Variants in DTWD2 observed in about 807,000 individuals in gnomAD.
DTWD2 encodes tRNA-uridine aminocarboxypropyltransferase 2.
A neutral mutation model predicts 31.8 loss-of-function variants in DTWD2; 39 were observed. The observed-to-expected ratio is 1.22, with a 90% CI of 0.95 to 1.60. The LOEUF is 1.60. DTWD2 is among the 40% of genes most tolerant of loss of function. DTWD2 has a pLI of 0.00. For missense variants in DTWD2, 515 were observed against 381.5 expected, an observed-to-expected ratio of 1.35 and a Z score of -2.92; for synonymous variants, 180 against 142.8, an observed-to-expected ratio of 1.26 and a Z score of -1.86.
At chr5:118,887,023 A>G (rs1439464474) in intron 4 of DTWD2, among the ~76,000 whole-genome samples, 1 of 152,164 alleles carries the variant, frequency 6.6e-6, no homozygotes, top group Non-Finnish European at 1.5e-5. Flanking sequence ...TCCATTCAGG[A>G]TCCTCTCCCA....
At chr5:118,861,226 C>G (rs1368105757) in intron 4 of DTWD2, among the ~76,000 whole-genome samples, 1 of 152,110 alleles carries the variant, frequency 6.6e-6, no homozygotes, top group African/African-American at 2.4e-5. Flanking sequence ...GGTGGGTTCA[C>G]CTGGAAGTTA....
At chr5:118,974,696 T>C (rs764542708) in intron 1 of DTWD2, 2 of 511,110 alleles carry the variant, frequency 3.9e-6, no homozygotes, top group Non-Finnish European at 7.9e-6. Context: ...GTTTCTTTTT[T>C]TTCCTTTTTT....
intron 1 of DTWD2, among the ~76,000 whole-genome samples, chr5:118,986,188 T>C (rs1392113598): frequency 6.6e-6 from 1 of 152,114 alleles, no homozygotes; most frequent in African/African-American, 2.4e-5. Context: ...AGGTTTTGTC[T>C]TTATCTGAAA....
chr5:118,948,688 G>A (rs1028828031), intron 1 of DTWD2, among the ~76,000 whole-genome samples: 1 of 152,140 alleles, frequency 6.6e-6, no homozygotes, highest in Non-Finnish European at 1.5e-5. Context: ...CGGCTCTCGT[G>A]TAAGAATTCT....
intron 1 of DTWD2, among the ~76,000 whole-genome samples, chr5:118,950,408 G>T (rs999674569): frequency 1.3e-5 from 2 of 152,118 alleles, no homozygotes; most frequent in East Asian, 1.9e-4. Context: ...ACCCTCCACT[G>T]TAAGAGTTAC....
intron 4 of DTWD2, among the ~76,000 whole-genome samples, chr5:118,917,528 A>G (rs537301906): frequency 2.0e-5 from 3 of 152,324 alleles, no homozygotes; most frequent in Admixed American, 2.0e-4. Flanking sequence ...GGCAATTTAT[A>G]AAGAAAATAG....
intron 4 of DTWD2, among the ~76,000 whole-genome samples, chr5:118,850,893 T>TG (rs1326750675): frequency 6.6e-6 from 1 of 152,028 alleles, no homozygotes; most frequent in Non-Finnish European, 1.5e-5. Flanking sequence ...GACATACATG[T>TG]GGCCAACAAG....
At chr5:118,959,496 A>G (rs1230919907) in intron 1 of DTWD2, among the ~76,000 whole-genome samples, 1 of 152,246 alleles carries the variant, frequency 6.6e-6, no homozygotes, top group Non-Finnish European at 1.5e-5. Context: ...GGATAGGAAG[A>G]GTCAACATTG....
intron 1 of DTWD2, chr5:118,973,994 G>A (rs896364355): frequency 8.2e-6 from 13 of 1,593,586 alleles, no homozygotes; most frequent in African/African-American, 1.3e-5. Context: ...GGAGGAGGAA[G>A]AAGGTGATGG....
intron 3 of DTWD2, among the ~76,000 whole-genome samples, chr5:118,935,497 C>T (rs1754021390): frequency 6.6e-6 from 1 of 152,132 alleles, no homozygotes; most frequent in Admixed American, 6.6e-5. Flanking sequence ...AGTATTATTG[C>T]AAAATTGACT....
intron 4 of DTWD2, among the ~76,000 whole-genome samples, chr5:118,864,529 T>TA (rs750961429): frequency 0.014 from 1,830 of 132,644 alleles, 31 homozygotes; most frequent in African/African-American, 0.044. Flanking sequence ...CTTAGAGTAT[T>TA]AAAAAAAAAA....
chr5:118,879,660 G>A (rs1028415082), intron 4 of DTWD2, among the ~76,000 whole-genome samples: 2 of 150,810 alleles, frequency 1.3e-5, no homozygotes, highest in African/African-American at 2.4e-5. Flanking sequence ...GCAGGGACAT[G>A]GATGGAGCTA....
chr5:118,963,331 T>C lies in DTWD2; in HGVS notation c.219-18682A>G, dbSNP rs114834206. 8.3e-3 allele frequency among the ~76,000 whole-genome samples: 1,255 copies of C among 152,072 alleles called. 14 individuals are homozygous for C. The highest frequency in any genetic ancestry group is 0.015 in the Non-Finnish European group (1,022 of 67,956). On this transcript the variant is annotated intron_variant, in intron 1 of 5. Transcript: ENST00000510708. Reference sequence around the variant, plus strand: ...AGAGTATGATTGCAGAAAGCACAGATGAGGGAGGAGCTTTTCACAGAGACA... The same window carrying C: ...AGAGTATGATTGCAGAAAGCACAGACGAGGGAGGAGCTTTTCACAGAGACA...
In DTWD2 at chr5:118,937,383, C is replaced by CA. The variant is rs70982459; in HGVS notation, c.404+1812dup. ...AGGCAGCTCTTATATGTTATCACTG[C>CA]AAAAAAAAAAAAAAAACCATAAAAC... On this transcript the variant is annotated intron_variant, in intron 3 of 5. Coordinates refer to ENST00000510708, the MANE Select transcript of DTWD2 (RefSeq NM_173666.4). Among the ~76,000 whole-genome samples, 673 of 132,150 alleles carry CA rather than the reference C, an allele frequency of 5.1e-3. 6 individuals are homozygous for CA. The highest frequency in any genetic ancestry group is 0.016 in the African/African-American group (585 of 36,004). 86.7% of individuals were successfully genotyped at this position (132,150 alleles called of 152,430 possible).
In DTWD2 at chr5:118,839,699, G is replaced by A. The variant is rs1276923000; in HGVS notation, c.*1218C>T. On this transcript the variant is annotated 3_prime_UTR_variant, in exon 6 of 6. Transcript: ENST00000510708. ...TAAATCCAAAAATAAATCAACAATA[G>A]AAGCCAGCACTCTTTTAATATTTTA... is the stretch of plus-strand genomic sequence containing the variant. 1 of 152,046 alleles carries A rather than the reference G, an allele frequency of 6.6e-6. No individual in the cohort carries two copies. Among genetic ancestry groups the A allele is most frequent in the Non-Finnish European group, 1.5e-5 (1 of 68,016 alleles). 9.4% of individuals were successfully genotyped at this position (152,046 alleles called of 1,614,324 possible).
intron 4 of DTWD2, among the ~76,000 whole-genome samples, chr5:118,912,447 A>G (rs1043663072): frequency 7.9e-5 from 12 of 152,242 alleles, no homozygotes; most frequent in Non-Finnish European, 1.8e-4. Context: ...GCCTATCCCT[A>G]CAAACCTATC....
intron 2 of DTWD2, among the ~76,000 whole-genome samples, chr5:118,939,776 C>A (rs1300787013): frequency 1.3e-5 from 2 of 152,016 alleles, no homozygotes; most frequent in Admixed American, 6.6e-5. Context: ...GAAAACAAAA[C>A]AATGGGGTAT....
intron 1 of DTWD2, among the ~76,000 whole-genome samples, chr5:118,960,863 AG>A (rs1412136328): frequency 3.3e-5 from 5 of 152,178 alleles, no homozygotes; most frequent in Non-Finnish European, 5.9e-5. Context: ...TATCAGTGGG[AG>A]CTAAACACTG....
chr5:118,954,969 T>G (rs1481252064), intron 1 of DTWD2, among the ~76,000 whole-genome samples: 1 of 152,152 alleles, frequency 6.6e-6, no homozygotes, highest in Non-Finnish European at 1.5e-5. Context: ...GTAATTCATT[T>G]GTATTACAAA....
Sources: allele counts gnomAD v4.1 joint callset (sites outside exome capture counted in the v4.1 genomes callset), GRCh38; gene constraint gnomAD v4.1.1; transcripts MANE v1.5; gene names NCBI Gene and HGNC (gene_info 2026-07-23, HGNC 2026-07-21).